The following LRRC14 variants were observed in gnomAD, a reference collection of about 807,000 sequenced individuals.
LRRC14 encodes the protein leucine-rich repeat-containing protein 14.
In LRRC14, 16 loss-of-function variants were observed where a neutral mutation model predicts 25.3. The observed-to-expected ratio is 0.63, with a 90% CI of 0.43 to 0.96. LRRC14 has a LOEUF of 0.96. Ranked by LOEUF, LRRC14 falls within the 40% of genes least tolerant of loss-of-function variation. The probability of loss-of-function intolerance (pLI) is 0.00; values close to 1 mark genes in which losing one functional copy is unlikely to be tolerated. For missense variants in LRRC14, 594 were observed against 660.5 expected, an observed-to-expected ratio of 0.90 and a Z score of 1.10; for synonymous variants, 359 against 295.1, an observed-to-expected ratio of 1.22 and a Z score of -2.22.
Position 144,519,812 on chromosome 8 carries a change from A to C in LRRC14, c.87A>C (p.Glu29Asp), listed in dbSNP as rs759305470. The C allele has an allele frequency of 1.9e-6, 3 of 1,613,110 alleles. No individual in the cohort carries two copies. Among genetic ancestry groups the C allele is most frequent in the South Asian group, 1.1e-5 (1 of 91,074 alleles). ...AGGCCCTGCCCTTGCTGCCACGCGA[A>C]CTCTTCCCCCTGCTGTTCAAGGTGG... is the stretch of plus-strand genomic sequence containing the variant. Reference protein sequence around the residue: ...ACQALPLLPRELFPLLFKVAF... With the variant: ...ACQALPLLPRDLFPLLFKVAF... Residue 29 changes from glutamate to aspartate, a missense_variant, in exon 2 of 4, where the codon GAA becomes GAC. Transcript: ENST00000292524.
chr8:144,523,561 C>T lies in LRRC14; in HGVS notation c.*2083C>T. On this transcript the variant is annotated 3_prime_UTR_variant, in exon 4 of 4. Coordinates refer to ENST00000292524, the MANE Select transcript of LRRC14 (RefSeq NM_014665.4). ...AGGCCCTGCCACCCCTTCCTTGACC[C>T]CAAGCTCCTTGGGGCGGCAGGCCCT... 7.9e-7 allele frequency: 1 copy of T among 1,272,140 alleles called. No individual in the cohort carries two copies. The highest frequency in any genetic ancestry group is 2.1e-5 in the South Asian group (1 of 48,256). The allele number at this position is 1,272,140 out of a possible 1,614,324, so 78.8% of individuals were successfully genotyped here.
Position 144,521,084 on chromosome 8 carries a change from C to T in LRRC14, c.1088C>T (p.Ser363Leu). 1 of 1,613,030 alleles carries T rather than the reference C, an allele frequency of 6.2e-7. No individual in the cohort carries two copies. Among genetic ancestry groups the T allele is most frequent in the East Asian group, 2.2e-5 (1 of 44,892 alleles). ...LAPFQGLLQASAATLLHLELT... is the reference protein window; with the variant it reads ...LAPFQGLLQALAATLLHLELT... ...CCCTTCCAGGGTCTGTTGCAGGCAT[C>T]AGCAGCCACACTGTTGCATCTGGAG... is the stretch of plus-strand genomic sequence containing the variant. Residue 363 changes from serine to leucine, a missense_variant, in exon 4 of 4, where the codon TCA becomes TTA. Ser to Leu is a moderately radical substitution (Grantham distance 145, BLOSUM62 -2). Coordinates refer to ENST00000292524, the MANE Select transcript of LRRC14 (RefSeq NM_014665.4).
In LRRC14 at chr8:144,519,662, C is replaced by T. The variant is rs1815841005; in HGVS notation, c.-64C>T. 8 of 1,438,734 alleles carry T rather than the reference C, an allele frequency of 5.6e-6. No individual in the cohort carries two copies. The African/African-American group carries it at 5.6e-5, about 10-fold the overall frequency. 89.1% of individuals were successfully genotyped at this position (1,438,734 alleles called of 1,614,324 possible). On this transcript the variant is annotated 5_prime_UTR_variant, in exon 2 of 4. Coordinates refer to ENST00000292524, the MANE Select transcript of LRRC14 (RefSeq NM_014665.4). ...CACTTGTGTGTGGCTTGGTAGTGGC[C>T]TAGGGTCTCTCCTCCCTGCTGAAGT...
In LRRC14 at chr8:144,522,345, G is replaced by C. The variant is rs1250363603; in HGVS notation, c.*867G>C. 2 of 1,294,412 alleles carry C rather than the reference G, an allele frequency of 1.5e-6. No individual in the cohort carries two copies. Among genetic ancestry groups the C allele is most frequent in the Non-Finnish European group, 2.0e-6 (2 of 1,011,892 alleles). 80.2% of individuals were successfully genotyped at this position (1,294,412 alleles called of 1,614,324 possible). A position where few individuals can be genotyped will look rare whatever the true frequency, so the allele number is the denominator to read the frequency against. ...CATTGCTACCCCAGGATTCCCGAGT[G>C]CAACGTTCCCGGCTCGCGCCCCACA... On this transcript the variant is annotated 3_prime_UTR_variant, in exon 4 of 4. Coordinates refer to ENST00000292524, the MANE Select transcript of LRRC14 (RefSeq NM_014665.4).
Position 144,524,189 on chromosome 8 carries a change from G to A in LRRC14, c.*2711G>A. 2 of 1,612,194 alleles carry A rather than the reference G, an allele frequency of 1.2e-6. No homozygotes were observed. The highest frequency in any genetic ancestry group is 1.1e-5 in the South Asian group (1 of 91,074). ...TGGTGCCCAGCTGGTTCCTGCTGAG[G>A]TCCAGCAGTGCTAGGGAGGACAGCC... On this transcript the variant is annotated 3_prime_UTR_variant, in exon 4 of 4. Transcript: ENST00000292524.
chr8:144,519,214 G>T, intron 1 of LRRC14: 1 of 176,346 alleles, frequency 5.7e-6, no homozygotes, highest in Non-Finnish European at 1.2e-5. Flanking sequence ...GCCCTGGAGA[G>T]CATCTGTGAG....
In LRRC14 at chr8:144,524,921, G is replaced by A. The variant is rs1741231322; in HGVS notation, c.*3443G>A. The A allele has an allele frequency of 1.3e-6, 2 of 1,513,672 alleles. No homozygotes were observed. Among genetic ancestry groups the A allele is most frequent in the African/African-American group, 1.4e-5 (1 of 72,054 alleles). 93.8% of individuals were successfully genotyped at this position (1,513,672 alleles called of 1,614,324 possible). A position where few individuals can be genotyped will look rare whatever the true frequency, so the allele number is the denominator to read the frequency against. The stretch of plus-strand genomic sequence containing the variant: ...AGGCTGCTGGGCAGCCGGCGGCGCG[G>A]AGCGGCAGTAGTAGCAGCAGCAGCG... On this transcript the variant is annotated 3_prime_UTR_variant, in exon 4 of 4. Coordinates refer to ENST00000292524, the MANE Select transcript of LRRC14 (RefSeq NM_014665.4).
Position 144,521,330 on chromosome 8 carries a change from C to T in LRRC14, c.1334C>T (p.Ser445Phe), listed in dbSNP as rs1328962715. 2 of 1,612,988 alleles carry T rather than the reference C, an allele frequency of 1.2e-6. No individual in the cohort carries two copies. Among genetic ancestry groups the T allele is most frequent in the Non-Finnish European group, 1.7e-6 (2 of 1,180,032 alleles). The change falls in exon 4 of 4, where the codon TCT (serine) becomes TTT (phenylalanine). Residue 445 changes from serine to phenylalanine, a missense_variant. Transcript: ENST00000292524. Reference sequence around the variant, plus strand: ...GGCTTGCCCTGGCCGCCGCCTGCCTCTGTCCTGCTGGAGGCCTCCATCAAT... The same window carrying T: ...GGCTTGCCCTGGCCGCCGCCTGCCTTTGTCCTGCTGGAGGCCTCCATCAAT... ...YEGLPWPPPA[S>F]VLLEASINEE...
Position 144,524,025 on chromosome 8 carries a change from G to A in LRRC14, c.*2547G>A. 1 of 1,474,274 alleles carries A rather than the reference G, an allele frequency of 6.8e-7. No homozygotes were observed. Among genetic ancestry groups the A allele is most frequent in the Non-Finnish European group, 9.2e-7 (1 of 1,088,396 alleles). 91.3% of individuals were successfully genotyped at this position (1,474,274 alleles called of 1,614,324 possible). ...CTTCCAGACTGCTGCCCAGTTGCCT[G>A]ATGTCAGAGCCCCTCCACACATGAG... On this transcript the variant is annotated 3_prime_UTR_variant, in exon 4 of 4. Transcript: ENST00000292524.
Position 144,524,547 on chromosome 8 carries a change from C to T in LRRC14, c.*3069C>T, listed in dbSNP as rs757921818. The T allele has an allele frequency of 3.2e-6, 5 of 1,581,604 alleles. No individual in the cohort carries two copies. In the African/African-American group the frequency reaches 4.0e-5, roughly 13 times the overall value. On this transcript the variant is annotated 3_prime_UTR_variant, in exon 4 of 4. Transcript: ENST00000292524. ...TACGAAGGCGCCGCTGCGCAAGCCG[C>T]GCAGCCGGTTGCTAGTGAGCGCCAG...
Position 144,523,941 on chromosome 8 carries a change from T to A in LRRC14, c.*2463T>A. 1 of 756,460 alleles carries A rather than the reference T, an allele frequency of 1.3e-6. No homozygotes were observed. The highest frequency in any genetic ancestry group is 2.2e-6 in the Non-Finnish European group (1 of 460,494). 46.9% of individuals were successfully genotyped at this position (756,460 alleles called of 1,614,324 possible). A position where few individuals can be genotyped will look rare whatever the true frequency, so the allele number is the denominator to read the frequency against. Reference sequence around the variant, plus strand: ...TTCCCCAGGCAGGGTGCCTGAGCTGTATTCCCCAGCACACCCACTCCCGCA... The same window carrying A: ...TTCCCCAGGCAGGGTGCCTGAGCTGAATTCCCCAGCACACCCACTCCCGCA... On this transcript the variant is annotated 3_prime_UTR_variant, in exon 4 of 4. Transcript: ENST00000292524.
In LRRC14 at chr8:144,520,054, G is replaced by C. The variant is rs765827521; in HGVS notation, c.329G>C (p.Arg110Thr). 6.2e-7 allele frequency: 1 copy of C among 1,600,622 alleles called. No individual in the cohort carries two copies. Among genetic ancestry groups the C allele is most frequent in the Admixed American group, 1.7e-5 (1 of 59,888 alleles). The change falls in exon 2 of 4, where the codon AGG becomes ACG. Residue 110 changes from arginine (R) to threonine (T), a missense_variant and splice_region_variant. Transcript: ENST00000292524. The stretch of plus-strand genomic sequence containing the variant: ...GGGGCCAGCACACAGCCCCTCTGCA[G>C]GTATGGACTTATCTGGAGGGTCGTC... ...EPGASTQPLC[R>T]KHALRVLDMT... is the part of the protein sequence containing the mutation.
chr8:144,522,610 C>A lies in LRRC14; in HGVS notation c.*1132C>A. On this transcript the variant is annotated 3_prime_UTR_variant, in exon 4 of 4. Transcript: ENST00000292524. Reference sequence around the variant, plus strand: ...GCTTGGAGCGGTTGATGACGAACATCTCGTGGCCGCGCTCGTCGCGGAGCT... The same window carrying A: ...GCTTGGAGCGGTTGATGACGAACATATCGTGGCCGCGCTCGTCGCGGAGCT... 1 of 1,571,394 alleles carries A rather than the reference C, an allele frequency of 6.4e-7. No individual in the cohort carries two copies. Among genetic ancestry groups the A allele is most frequent in the South Asian group, 1.2e-5 (1 of 86,148 alleles).
chr8:144,519,453 C>A lies in LRRC14; in HGVS notation c.-111-162C>A. ...AGCAAGCGAGTTGTTGACGATGCCA[C>A]ACTGCTTGACGCTTAGTTTCTCTAA... On this transcript the variant is annotated intron_variant, in intron 1 of 3. Transcript: ENST00000292524. 7 of 556,016 alleles carry A rather than the reference C, an allele frequency of 1.3e-5. No individual in the cohort carries two copies. In the East Asian group the frequency reaches 2.1e-4, roughly 17 times the overall value. 34.4% of individuals were successfully genotyped at this position (556,016 alleles called of 1,614,324 possible).
intron 1 of LRRC14, chr8:144,518,506 G>C (rs1294820725): frequency 1.3e-5 from 2 of 152,274 alleles, no homozygotes; most frequent in East Asian, 3.9e-4. Flanking sequence ...ACAAGTGCTC[G>C]GTTGGTCTGT....
At position 144,523,096 on chromosome 8, in the gene LRRC14, C is replaced by T. The variant is rs745471090; in HGVS notation, c.*1618C>T. The T allele has an allele frequency of 2.5e-6, 4 of 1,609,046 alleles. No homozygotes were observed. The highest frequency in any genetic ancestry group is 3.4e-6 in the Non-Finnish European group (4 of 1,179,492). ...CCAGCAACCCGCCTTCTAGCTGGGC[C>T]TGGGCTCGCGGCCGGCCCTCGCGAG... On this transcript the variant is annotated 3_prime_UTR_variant, in exon 4 of 4. Transcript: ENST00000292524.
At chr8:144,518,092 G>C (rs35992190) in intron 1 of LRRC14, 51 bp downstream of exon 1, 25 of 181,928 alleles carry the variant, frequency 1.4e-4, no homozygotes, top group Non-Finnish European at 2.7e-4. Flanking sequence ...GCACGCCCCT[G>C]GCCCTGCCTG....
intron 1 of LRRC14, among the ~76,000 whole-genome samples, chr8:144,519,107 G>T (rs540416034): frequency 6.6e-6 from 1 of 152,276 alleles, no homozygotes; most frequent in East Asian, 1.9e-4. Context: ...ATCTGGACTC[G>T]GTGTTCCCTG....
chr8:144,524,326 G>T lies in LRRC14; in HGVS notation c.*2848G>T. On this transcript the variant is annotated 3_prime_UTR_variant, in exon 4 of 4. Coordinates refer to ENST00000292524, the MANE Select transcript of LRRC14 (RefSeq NM_014665.4). ...TGAGGAAAAAGGGCGCCGAGGTTGG[G>T]GGCATGTCTCTCTTCTTACCAAGCT... The T allele has an allele frequency of 6.2e-7, 1 of 1,602,224 alleles. No homozygotes were observed. The highest frequency in any genetic ancestry group is 8.5e-7 in the Non-Finnish European group (1 of 1,179,238).
Sources: allele counts gnomAD v4.1 joint callset (sites outside exome capture counted in the v4.1 genomes callset), GRCh38; gene constraint gnomAD v4.1.1; transcripts MANE v1.5; gene names NCBI Gene and HGNC (gene_info 2026-07-23, HGNC 2026-07-21).